The following TRIM44 variants were observed in gnomAD, a reference collection of about 807,000 sequenced individuals.
The protein encoded by TRIM44 is tripartite motif-containing protein 44.
TRIM44 carries 13 observed loss-of-function variants against 37.4 expected under a neutral mutation model. That is an observed-to-expected ratio of 0.35 (90% CI 0.23 to 0.55). The LOEUF is 0.55. Among genes scored for constraint, TRIM44 ranks in the 20% least tolerant of loss-of-function variants. The pLI is 0.89. For synonymous variants in TRIM44, 175 were observed against 157.2 expected, an observed-to-expected ratio of 1.11 and a Z score of -0.85; for missense variants, 426 against 437.2, an observed-to-expected ratio of 0.97 and a Z score of 0.23.
chr11:35,778,869 T>C (rs532811236), intron 4 of TRIM44, among the ~76,000 whole-genome samples: 11 of 152,338 alleles, frequency 7.2e-5, no homozygotes, highest in African/African-American at 2.6e-4. Flanking sequence ...TTGGGAGTTC[T>C]CTACCAGTTA....
At chr11:35,677,078 C>T (rs899058442) in intron 1 of TRIM44, among the ~76,000 whole-genome samples, 1 of 152,068 alleles carries the variant, frequency 6.6e-6, no homozygotes, top group East Asian at 1.9e-4. Context: ...AATAAAATTC[C>T]ACAATTAGCT....
In TRIM44 at chr11:35,663,279, T is replaced by C. The variant is rs1328754229; in HGVS notation, c.168T>C (p.His56=). ...ACAGGCAGAAGTTCCTCAGTCACCA[T>C]CTGGCCGAATACGTCCACGGCTCCC... is the stretch of plus-strand genomic sequence containing the variant. ...EAHRQKFLSH[H]LAEYVHGSQA... The change falls in exon 1 of 5, where the codon CAT becomes CAC. Residue 56 remains histidine, a synonymous_variant. Transcript: ENST00000299413. 1 of 1,613,956 alleles carries C rather than the reference T, an allele frequency of 6.2e-7. No homozygotes were observed. The highest frequency in any genetic ancestry group is 8.5e-7 in the Non-Finnish European group (1 of 1,179,890).
intron 4 of TRIM44, among the ~76,000 whole-genome samples, chr11:35,748,375 TC>T (rs1366479793): frequency 2.6e-5 from 4 of 152,212 alleles, no homozygotes; most frequent in Non-Finnish European, 4.4e-5. Context: ...TAGCTATTAG[TC>T]CATCAACCCT....
chr11:35,669,983 G>A (rs1051611341), intron 1 of TRIM44, among the ~76,000 whole-genome samples: 7 of 151,622 alleles, frequency 4.6e-5, no homozygotes, highest in Admixed American at 3.3e-4. Context: ...CACCACACCC[G>A]CCTGATTTTT....
At chr11:35,692,050 G>GT (rs553133035) in intron 2 of TRIM44, among the ~76,000 whole-genome samples, 118 of 152,246 alleles carry the variant, frequency 7.8e-4, no homozygotes, top group Non-Finnish European at 1.4e-3. Flanking sequence ...TAGAAAAACC[G>GT]TAAGTCAAAC....
intron 4 of TRIM44, among the ~76,000 whole-genome samples, chr11:35,790,425 G>A (rs1853192810): frequency 6.6e-6 from 1 of 152,192 alleles, no homozygotes; most frequent in Non-Finnish European, 1.5e-5. Context: ...ACCTCCTCCA[G>A]TACATAGAGC....
chr11:35,681,140 G>A (rs921870198), intron 1 of TRIM44, among the ~76,000 whole-genome samples: 1 of 152,176 alleles, frequency 6.6e-6, no homozygotes, highest in Non-Finnish European at 1.5e-5. Flanking sequence ...CCATTGTGAA[G>A]GAGAATACAC....
At chr11:35,800,366 G>A (rs922745641) in intron 4 of TRIM44, among the ~76,000 whole-genome samples, 2 of 152,152 alleles carry the variant, frequency 1.3e-5, no homozygotes, top group Non-Finnish European at 2.9e-5. Context: ...TGGCTCAGGT[G>A]GCCAGCTTTT....
chr11:35,727,016 A>C (rs536419468), intron 3 of TRIM44, among the ~76,000 whole-genome samples: 2 of 151,992 alleles, frequency 1.3e-5, no homozygotes, highest in Admixed American at 1.3e-4. Flanking sequence ...ATAAAAAAGT[A>C]GCAGACATGG....
intron 4 of TRIM44, among the ~76,000 whole-genome samples, chr11:35,767,140 A>G (rs1426226291): frequency 2.6e-5 from 4 of 152,164 alleles, no homozygotes; most frequent in African/African-American, 9.7e-5. Flanking sequence ...GCATGCTCCT[A>G]CATCAATGTG....
chr11:35,707,112 A>C (rs1851896329), intron 2 of TRIM44, among the ~76,000 whole-genome samples: 2 of 152,286 alleles, frequency 1.3e-5, no homozygotes, highest in South Asian at 4.1e-4. Flanking sequence ...ATTCTTATAC[A>C]CCAATAACAG....
intron 3 of TRIM44, among the ~76,000 whole-genome samples, chr11:35,726,979 G>A (rs1852183143): frequency 6.6e-6 from 1 of 151,754 alleles, no homozygotes; most frequent in Non-Finnish European, 1.5e-5. Context: ...GGGCAACATA[G>A]TGAGACCCTG....
chr11:35,761,483 C>G (rs919129016), intron 4 of TRIM44, among the ~76,000 whole-genome samples: 1 of 151,952 alleles, frequency 6.6e-6, no homozygotes, highest in Non-Finnish European at 1.5e-5. Flanking sequence ...ATGGCCATTC[C>G]TTAGATAATA....
chr11:35,722,993 ATC>A (rs768156795), intron 2 of TRIM44, among the ~76,000 whole-genome samples: 7 of 151,200 alleles, frequency 4.6e-5, no homozygotes, highest in African/African-American at 1.5e-4. Flanking sequence ...TTGTTTTTCA[ATC>A]TCTCTCTCTT....
chr11:35,779,215 G>A lies in TRIM44; in HGVS notation c.1008-27143G>A, dbSNP rs559789751. On this transcript the variant is annotated intron_variant, in intron 4 of 4. Transcript: ENST00000299413. ...ACTGCTGTGCTTGCTAGCAGTGAGC[G>A]AGGCTCTGTGGGCATGGGACCCTCT... 2.0e-5 allele frequency among the ~76,000 whole-genome samples: 3 copies of A among 152,320 alleles called. No homozygotes were observed. In the South Asian group the frequency reaches 6.2e-4, roughly 32 times the overall value.
intron 1 of TRIM44, among the ~76,000 whole-genome samples, chr11:35,675,359 C>T (rs1312363930): frequency 6.6e-6 from 1 of 152,174 alleles, no homozygotes; most frequent in African/African-American, 2.4e-5. Flanking sequence ...GTTTATTTCT[C>T]TGTCACATAA....
Position 35,696,244 on chromosome 11 carries a change from C to T in TRIM44, c.747+10908C>T, listed in dbSNP as rs140969947. Among the ~76,000 whole-genome samples the T allele has an allele frequency of 8.8e-3, 1,328 of 151,092 alleles. 17 individuals carry two copies. The highest frequency in any genetic ancestry group is 0.03 in the African/African-American group (1,233 of 41,144). ...CTGCAAGCTCCGCCTCGGGTTCATGCCATTCTCCTGCCTCAGCCTCCTGAG... is the reference window on the plus strand; with the variant it reads ...CTGCAAGCTCCGCCTCGGGTTCATGTCATTCTCCTGCCTCAGCCTCCTGAG... On this transcript the variant is annotated intron_variant, in intron 2 of 4. Transcript: ENST00000299413.
Position 35,810,305 on chromosome 11 carries a change from G to T in TRIM44, c.*3920G>T, listed in dbSNP as rs180809492. On this transcript the variant is annotated 3_prime_UTR_variant, in exon 5 of 5. Transcript: ENST00000299413. ...CCTGAAATTCCACATTCATATAATGGCTGTGCAATACATGCTTCTCAATAA... is the reference window on the plus strand; with the variant it reads ...CCTGAAATTCCACATTCATATAATGTCTGTGCAATACATGCTTCTCAATAA... The T allele has an allele frequency of 4.5e-4, 68 of 152,170 alleles. No individual in the cohort carries two copies. The highest frequency in any genetic ancestry group is 1.6e-3 in the African/African-American group (67 of 41,512). The allele number at this position is 152,170 out of a possible 1,614,324, so 9.4% of individuals were successfully genotyped here. A position where few individuals can be genotyped will look rare whatever the true frequency, so the allele number is the denominator to read the frequency against.
chr11:35,749,681 C>T (rs1352251552), intron 4 of TRIM44, among the ~76,000 whole-genome samples: 2 of 152,160 alleles, frequency 1.3e-5, no homozygotes, highest in Non-Finnish European at 2.9e-5. Flanking sequence ...AGACTCCATC[C>T]TAAAACAAAC....
Sources: allele counts gnomAD v4.1 joint callset (sites outside exome capture counted in the v4.1 genomes callset), GRCh38; gene constraint gnomAD v4.1.1; transcripts MANE v1.5; gene names NCBI Gene and HGNC (gene_info 2026-07-23, HGNC 2026-07-21).